The following SYTL3 variants were observed in gnomAD, a reference collection of about 807,000 sequenced individuals.
SYTL3 encodes synaptotagmin like 3.
Under a neutral mutation model 82.1 loss-of-function variants are expected in SYTL3, and 88 were observed. The ratio of observed to expected loss-of-function variants is 1.07; its 90% CI spans 0.90 to 1.28. The LOEUF is 1.28. SYTL3 is among the 50% of genes most tolerant of loss of function. The pLI is 0.00. For synonymous variants in SYTL3, 311 were observed against 289.4 expected (o/e 1.07, Z -0.76); for missense variants, 831 against 757.6 (o/e 1.10, Z -1.14).
intron 4 of SYTL3, among the ~76,000 whole-genome samples, chr6:158,664,654 C>T (rs1789796554): frequency 6.6e-6 from 1 of 152,188 alleles, no homozygotes; most frequent in African/African-American, 2.4e-5. Flanking sequence ...TGAATATTAA[C>T]AAAGTGACAT....
intron 11 of SYTL3, among the ~76,000 whole-genome samples, chr6:158,734,642 G>GC (rs1374705621): frequency 6.6e-6 from 1 of 151,520 alleles, no homozygotes; most frequent in East Asian, 1.9e-4. Context: ...AGCTCCCCCT[G>GC]CCCCACTCCC....
At chr6:158,756,719 ATTT>A (rs758259824) in intron 13 of SYTL3, among the ~76,000 whole-genome samples, 4 of 48,570 alleles carry the variant, frequency 8.2e-5, no homozygotes, top group Non-Finnish European at 1.0e-4. Flanking sequence ...TCAAAAAAAA[ATTT>A]TTTTTTTTTT....
intron 8 of SYTL3, among the ~76,000 whole-genome samples, 189 bp from the exon 9 acceptor site, chr6:158,713,611 A>G (rs1783011042): frequency 6.6e-6 from 1 of 152,158 alleles, no homozygotes. Flanking sequence ...CCTACCCCTC[A>G]GGAAGACTGC....
At chr6:158,758,121 GTGGGCTTCTGCCATC>G (rs1562470472) in intron 14 of SYTL3, among the ~76,000 whole-genome samples, 2 of 152,156 alleles carry the variant, frequency 1.3e-5, no homozygotes, top group African/African-American at 4.8e-5. Context: ...GATGAAAAAC[GTGGGCTTCTGCCATC>G]TCTTTAAAAA....
intron 6 of SYTL3, among the ~76,000 whole-genome samples, chr6:158,683,215 CTTTTTTT>C (rs35183958): frequency 1.1e-4 from 10 of 92,114 alleles, no homozygotes; most frequent in African/African-American, 1.9e-4. Context: ...GGCCCTATTC[CTTTTTTT>C]TTTTTTTTTT....
intron 5 of SYTL3, among the ~76,000 whole-genome samples, chr6:158,674,781 C>T (rs1777836001): frequency 6.6e-6 from 1 of 152,188 alleles, no homozygotes; most frequent in African/African-American, 2.4e-5. Context: ...CATCAACAGA[C>T]GACAGACAGG....
rs752579130 is a variant in SYTL3 at position 158,763,375 on chromosome 6, A to C, written c.1589A>C (p.Gln530Pro). The change falls in exon 17 of 18, where the codon CAG becomes CCG. Residue 530 changes from glutamine to proline, a missense_variant. By Grantham distance (76) the Gln-to-Pro change is moderately conservative. Coordinates refer to ENST00000611299, the MANE Select transcript of SYTL3 (RefSeq NM_001242394.2). ...GTCCTGAGGAAGCAGGCTTGCCCCC[A>C]GTGGAAACACTCATTTGTCTTCAGT... is the stretch of plus-strand genomic sequence containing the variant. ...SPVLRKQACP[Q>P]WKHSFVFSGV... The C allele has an allele frequency of 1.5e-5, 25 of 1,614,118 alleles. No individual in the cohort carries two copies. The African/African-American group carries it at 2.9e-4, about 19-fold the overall frequency.
intron 5 of SYTL3, 52 bp from the exon 6 acceptor site, chr6:158,682,873 G>A (rs1389356899): frequency 1.7e-5 from 24 of 1,383,830 alleles, no homozygotes; most frequent in Admixed American, 8.5e-5. Context: ...GGTAAATATA[G>A]CACTATTCAT....
At chr6:158,649,338 C>T (rs140356892), upstream of SYTL3, among the ~76,000 whole-genome samples, 1 of 152,238 alleles carries the variant, frequency 6.6e-6, no homozygotes, top group Non-Finnish European at 1.5e-5. Context: ...TTCATGTCTT[C>T]TCCATGCTGA....
chr6:158,749,507 C>CTTTTTTTTTTTTTTTT (rs765386344), intron 12 of SYTL3, among the ~76,000 whole-genome samples: 2 of 66,026 alleles, frequency 3.0e-5, no homozygotes, highest in African/African-American at 1.3e-4. Flanking sequence ...TTCTTTCTCT[C>CTTTTTTTTTTTTTTTT]TTTTTTTTTT....
chr6:158,694,572 G>A (rs1438673481), intron 6 of SYTL3, among the ~76,000 whole-genome samples: 1 of 152,318 alleles, frequency 6.6e-6, no homozygotes, highest in South Asian at 2.1e-4. Context: ...TGGGGTTACA[G>A]GCATGAGCCA....
At chr6:158,757,075 T>G (rs1789216838) in intron 13 of SYTL3, 136 bp from the exon 14 acceptor site, 4 of 614,224 alleles carry the variant, frequency 6.5e-6, no homozygotes, top group Admixed American at 3.7e-5. Context: ...CATCCGCATC[T>G]TGGACTCAGC....
At position 158,745,749 on chromosome 6, in the gene SYTL3, T is replaced by C. The variant is rs750498943; in HGVS notation, c.1034+91T>C. ...AGTCTAAGAATAACCAAGACAATTA[T>C]TAAAAAAAAAAACAAAATGAAAAGG... is the stretch of plus-strand genomic sequence containing the variant. On this transcript the variant is annotated intron_variant, in intron 12 of 17. Transcript: ENST00000611299. 113 of 951,500 alleles carry C rather than the reference T, an allele frequency of 1.2e-4. 1 individual carries two copies. Among genetic ancestry groups the C allele is most frequent in the Non-Finnish European group, 1.6e-4 (110 of 698,104 alleles). 58.9% of individuals were successfully genotyped at this position (951,500 alleles called of 1,614,324 possible).
At chr6:158,732,968 A>C (rs1004909181) in intron 11 of SYTL3, among the ~76,000 whole-genome samples, 4 of 150,478 alleles carry the variant, frequency 2.7e-5, no homozygotes, top group African/African-American at 4.9e-5. Context: ...AAAAAAAAAA[A>C]CACTGTAAAA....
At chr6:158,755,538 A>G (rs1329465439) in intron 13 of SYTL3, among the ~76,000 whole-genome samples, 1 of 152,202 alleles carries the variant, frequency 6.6e-6, no homozygotes, top group African/African-American at 2.4e-5. Context: ...CGCAGACATC[A>G]GAAGTGTGGA....
In SYTL3 at chr6:158,663,152, G is replaced by C. The variant is rs963620531; in HGVS notation, c.-117G>C. The C allele has an allele frequency of 3.8e-6, 3 of 783,202 alleles. No homozygotes were observed. In the African/African-American group the frequency reaches 5.2e-5, roughly 14 times the overall value. The allele number at this position is 783,202 out of a possible 1,614,324, so 48.5% of individuals were successfully genotyped here. ...AAACAGTTGCCAGTGAAATAGGAGA[G>C]GGAGCTCTTTAAACAAGGCTGGCTG... On this transcript the variant is annotated 5_prime_UTR_variant, in exon 4 of 18. Transcript: ENST00000611299.
intron 10 of SYTL3, among the ~76,000 whole-genome samples, chr6:158,723,685 T>G (rs1042161775): frequency 6.6e-6 from 1 of 152,358 alleles, no homozygotes; most frequent in African/African-American, 2.4e-5. Flanking sequence ...TTTTAACATT[T>G]GCCAATATAA....
intron 17 of SYTL3, among the ~76,000 whole-genome samples, chr6:158,764,207 C>T (rs1186572444): frequency 6.6e-6 from 1 of 152,212 alleles, no homozygotes; most frequent in Non-Finnish European, 1.5e-5. Context: ...CTATCCACTC[C>T]CTTGGTGAAG....
chr6:158,702,715 G>A (rs1024444215), intron 6 of SYTL3, among the ~76,000 whole-genome samples: 1 of 143,814 alleles, frequency 7.0e-6, no homozygotes, highest in African/African-American at 2.5e-5. Context: ...GTCCCCACCC[G>A]CTCCCCACCC....
Sources: gnomAD v4.1 joint callset for allele counts (sites outside exome capture counted in the v4.1 genomes callset) on GRCh38, gnomAD v4.1.1 for gene constraint, MANE v1.5 for transcripts, NCBI Gene and HGNC (gene_info 2026-07-23, HGNC 2026-07-21) for gene names.